PALM2AKAP2: variants seen among roughly 807,000 people sequenced by gnomAD.
PALM2AKAP2 encodes PALM2 and AKAP2 fusion, also known as PALM2-AKAP2 fusion protein.
Under a neutral mutation model 71.5 loss-of-function variants are expected in PALM2AKAP2, and 37 were observed. The observed-to-expected ratio is 0.52, with a 90% CI of 0.40 to 0.68. The LOEUF (loss-of-function observed/expected upper bound fraction) is 0.68. PALM2AKAP2 is among the 30% of genes least tolerant of loss of function. PALM2AKAP2 has a pLI of 0.00. For missense variants in PALM2AKAP2, 1,224 were observed against 1,191.8 expected (o/e 1.03, Z -0.40); for synonymous variants, 468 against 478.8 (o/e 0.98, Z 0.29).
At chr9:109,902,895 G>A (rs1830360921) in intron 3 of PALM2AKAP2, among the ~76,000 whole-genome samples, 1 of 152,198 alleles carries the variant, frequency 6.6e-6, no homozygotes, top group Admixed American at 6.5e-5. Context: ...ATGCCCATAA[G>A]TGCCGGTCCC....
intron 7 of PALM2AKAP2, among the ~76,000 whole-genome samples, chr9:110,022,843 C>T (rs1483112144): frequency 6.6e-6 from 1 of 151,900 alleles, no homozygotes; most frequent in African/African-American, 2.4e-5. Flanking sequence ...GTTTTTTGTC[C>T]TTGCAATAGT....
intron 1 of PALM2AKAP2, among the ~76,000 whole-genome samples, chr9:109,846,366 C>T (rs191201279): frequency 6.2e-4 from 95 of 152,236 alleles, no homozygotes; most frequent in South Asian, 1.0e-3. Context: ...TAAAGGTCTC[C>T]CAATGGGAGA....
chr9:109,918,687 G>A (rs531089070), intron 3 of PALM2AKAP2, among the ~76,000 whole-genome samples: 2 of 152,274 alleles, frequency 1.3e-5, no homozygotes, highest in Non-Finnish European at 2.9e-5. Flanking sequence ...TGTTCCTTGC[G>A]AAGCTGCTTT....
intron 1 of PALM2AKAP2, among the ~76,000 whole-genome samples, chr9:110,051,995 C>T (rs1387262972): frequency 6.6e-6 from 1 of 151,996 alleles, no homozygotes; most frequent in African/African-American, 2.4e-5. Context: ...CTCCGCTTCC[C>T]CGGTTCACAT....
At chr9:109,747,930 C>A (rs1300672172) in intron 1 of PALM2AKAP2, among the ~76,000 whole-genome samples, 1 of 152,204 alleles carries the variant, frequency 6.6e-6, no homozygotes, top group Non-Finnish European at 1.5e-5. Context: ...CTCAGCCTCC[C>A]AAAGTGCTGG....
At chr9:109,931,821 G>A (rs149474964) in intron 5 of PALM2AKAP2, 106 bp from the exon 6 acceptor site, 13 of 1,255,148 alleles carry the variant, frequency 1.0e-5, no homozygotes, top group East Asian at 7.2e-5. Flanking sequence ...TTCAGTGGCC[G>A]CCTCAGCGGT....
intron 7 of PALM2AKAP2, among the ~76,000 whole-genome samples, chr9:110,017,794 C>T (rs1263538486): frequency 6.7e-6 from 1 of 150,032 alleles, no homozygotes; most frequent in Non-Finnish European, 1.5e-5. Flanking sequence ...GTAGCGCAGA[C>T]TTGGCTCACT....
At chr9:110,027,984 A>G (rs1833213070) in intron 7 of PALM2AKAP2, among the ~76,000 whole-genome samples, 1 of 152,226 alleles carries the variant, frequency 6.6e-6, no homozygotes, top group Admixed American at 6.5e-5. Context: ...AGATCGCTCT[A>G]AATTTGGTTC....
intron 7 of PALM2AKAP2, among the ~76,000 whole-genome samples, chr9:110,034,666 G>T (rs1035768408): frequency 3.6e-5 from 5 of 140,576 alleles, no homozygotes; most frequent in African/African-American, 1.4e-4. Context: ...GTGCAGTGGT[G>T]CAATCTCAGC....
chr9:109,708,338 C>A (rs1364816883), intron 1 of PALM2AKAP2, among the ~76,000 whole-genome samples: 1 of 152,288 alleles, frequency 6.6e-6, no homozygotes, highest in Non-Finnish European at 1.5e-5. Context: ...GGACCTCAAT[C>A]AATACCCTTA....
At chr9:110,083,781 A>T (rs1834501615) in intron 1 of PALM2AKAP2, among the ~76,000 whole-genome samples, 1 of 152,252 alleles carries the variant, frequency 6.6e-6, no homozygotes, top group Non-Finnish European at 1.5e-5. Context: ...AAGGCCTTTG[A>T]TAGCATGGAA....
chr9:109,927,446 C>T (rs1367628314), intron 5 of PALM2AKAP2, among the ~76,000 whole-genome samples: 2 of 152,162 alleles, frequency 1.3e-5, no homozygotes, highest in Non-Finnish European at 1.5e-5. Flanking sequence ...ATTTCTGATG[C>T]GTGCAGATTA....
intron 1 of PALM2AKAP2, among the ~76,000 whole-genome samples, chr9:109,819,529 GTCTTTTACCTTATCATTT>G (rs1461592821): frequency 1.3e-5 from 2 of 152,276 alleles, no homozygotes; most frequent in Non-Finnish European, 1.5e-5. Context: ...GTCCATTTAT[GTCTTTTACCTTATCATTT>G]TCTTTTACCT....
At chr9:109,738,330 T>G (rs1828667757) in intron 1 of PALM2AKAP2, among the ~76,000 whole-genome samples, 1 of 152,210 alleles carries the variant, frequency 6.6e-6, no homozygotes, top group African/African-American at 2.4e-5. Flanking sequence ...AGGGGCTTAC[T>G]GATTGGTGTG....
chr9:109,760,676 G>T (rs551580047), intron 1 of PALM2AKAP2: 1 of 152,152 alleles, frequency 6.6e-6, no homozygotes, highest in Middle Eastern at 3.2e-3. Context: ...AGAGCTTCTC[G>T]CTTTCACTCA....
chr9:109,885,485 A>G (rs1029773848), intron 3 of PALM2AKAP2, among the ~76,000 whole-genome samples: 10 of 152,196 alleles, frequency 6.6e-5, no homozygotes, highest in African/African-American at 2.4e-4. Flanking sequence ...ATTCTGTTGT[A>G]TGGTCAGGTT....
intron 1 of PALM2AKAP2, among the ~76,000 whole-genome samples, chr9:109,654,114 T>A (rs1235814027): frequency 6.6e-6 from 1 of 152,260 alleles, no homozygotes; most frequent in Non-Finnish European, 1.5e-5. Context: ...TCTTCTTTGG[T>A]CAGTCCTTTA....
intron 3 of PALM2AKAP2, among the ~76,000 whole-genome samples, chr9:109,916,801 A>G (rs931935969): frequency 6.6e-6 from 1 of 152,186 alleles, no homozygotes; most frequent in African/African-American, 2.4e-5. Context: ...GCCCTCTGGG[A>G]CCCAGGCAAT....
chr9:109,795,937 G>C (rs947402301), intron 1 of PALM2AKAP2, among the ~76,000 whole-genome samples: 6 of 152,150 alleles, frequency 3.9e-5, no homozygotes, highest in African/African-American at 1.4e-4. Flanking sequence ...TAGAAGTCAG[G>C]GAACAAAAAG....
Sources: gnomAD v4.1 joint callset for allele counts (sites outside exome capture counted in the v4.1 genomes callset) on GRCh38, gnomAD v4.1.1 for gene constraint, MANE v1.5 for transcripts, NCBI Gene and HGNC (gene_info 2026-07-23, HGNC 2026-07-21) for gene names.